SRPK2: variants seen among roughly 807,000 people sequenced by gnomAD.
SRPK2 encodes SFRS protein kinase 2.
In SRPK2, 21 loss-of-function variants were observed where a neutral mutation model predicts 90.8. The observed-to-expected ratio is 0.23, with a 90% CI of 0.16 to 0.33. The LOEUF is 0.33. Ranked by LOEUF, SRPK2 falls within the 10% of genes least tolerant of loss-of-function variation. SRPK2 has a pLI of 1.00. For missense variants in SRPK2, 620 were observed against 869.0 expected, an observed-to-expected ratio of 0.71 and a Z score of 3.60; for synonymous variants, 288 against 311.1, an observed-to-expected ratio of 0.93 and a Z score of 0.78.
chr7:105,262,220 C>G (rs753467348), intron 2 of SRPK2, among the ~76,000 whole-genome samples: 2 of 152,144 alleles, frequency 1.3e-5, no homozygotes, highest in Non-Finnish European at 2.9e-5. Context: ...TAATGGCCAA[C>G]AGAAAACCTG....
intron 2 of SRPK2, among the ~76,000 whole-genome samples, chr7:105,305,422 T>C (rs567092605): frequency 1.3e-5 from 2 of 151,536 alleles, no homozygotes; most frequent in African/African-American, 2.4e-5. Flanking sequence ...TCTCGCACAA[T>C]AGAGCGAGAC....
chr7:105,201,758 T>C (rs567477863), intron 3 of SRPK2, among the ~76,000 whole-genome samples: 3 of 151,460 alleles, frequency 2.0e-5, no homozygotes, highest in South Asian at 2.1e-4. Context: ...GATGGGAGGA[T>C]TGCTCAAGCC....
intron 2 of SRPK2, among the ~76,000 whole-genome samples, chr7:105,252,111 CTG>C (rs1207759881): frequency 1.3e-5 from 2 of 152,128 alleles, no homozygotes; most frequent in African/African-American, 4.8e-5. Context: ...TGGCAGATAA[CTG>C]AATATTTTTC....
chr7:105,154,860 A>G lies in SRPK2; in HGVS notation c.621+5647T>C, dbSNP rs182378958. Among the ~76,000 whole-genome samples, 979 of 151,862 alleles carry G rather than the reference A, an allele frequency of 6.4e-3. 4 individuals are homozygous for G. Among genetic ancestry groups the G allele is most frequent in the African/African-American group, 8.6e-3 (356 of 41,368 alleles). On this transcript the variant is annotated intron_variant, in intron 7 of 15. Coordinates refer to ENST00000393651, the MANE Select transcript of SRPK2 (RefSeq NM_182692.3). Reference sequence around the variant, plus strand: ...CAGCTAATTTTTGTATTTTTAGTAGAGATGGGGTTTCACCATATTGGTCAG... The same window carrying G: ...CAGCTAATTTTTGTATTTTTAGTAGGGATGGGGTTTCACCATATTGGTCAG...
chr7:105,203,754 GAACTAA>G lies in SRPK2; in HGVS notation c.97_102del (p.Leu33_Val34del), dbSNP rs1368560243. Reference sequence around the variant, plus strand: ...GGTGGTGGTGGCGGTGGAGGAGGAGGAACTAAAGGAGCTTTCTGTTGAGGCTCCGGC... The same window carrying G: ...GGTGGTGGTGGCGGTGGAGGAGGAGGAGGAGCTTTCTGTTGAGGCTCCGGC... On this transcript the variant is annotated inframe_deletion, in exon 3 of 16. Transcript: ENST00000393651. 6.2e-7 allele frequency: 1 copy of G among 1,602,046 alleles called. No individual in the cohort carries two copies. The highest frequency in any genetic ancestry group is 1.1e-5 in the South Asian group (1 of 89,300).
At chr7:105,372,944 C>T (rs1819864531) in intron 2 of SRPK2, among the ~76,000 whole-genome samples, 1 of 152,134 alleles carries the variant, frequency 6.6e-6, no homozygotes, top group Non-Finnish European at 1.5e-5. Context: ...CAAAAATTAG[C>T]TGGGCATGGT....
At chr7:105,358,495 G>A (rs1313598622) in intron 2 of SRPK2, among the ~76,000 whole-genome samples, 3 of 152,062 alleles carry the variant, frequency 2.0e-5, no homozygotes, top group African/African-American at 4.8e-5. Flanking sequence ...AAACCAGCCT[G>A]GACAACATGA....
At chr7:105,347,361 T>C (rs1163392337) in intron 2 of SRPK2, among the ~76,000 whole-genome samples, 3 of 151,928 alleles carry the variant, frequency 2.0e-5, no homozygotes, top group Non-Finnish European at 4.4e-5. Flanking sequence ...TGGCTAATTT[T>C]TTCTTTAATT....
chr7:105,186,597 G>A (rs774601235), intron 3 of SRPK2, among the ~76,000 whole-genome samples: 8 of 152,256 alleles, frequency 5.3e-5, no homozygotes, highest in Non-Finnish European at 7.4e-5. Flanking sequence ...AACAAAGGCC[G>A]AAACAGTATC....
At chr7:105,205,498 C>T (rs1352664749) in intron 2 of SRPK2, among the ~76,000 whole-genome samples, 1 of 125,312 alleles carries the variant, frequency 8.0e-6, no homozygotes, top group Non-Finnish European at 1.6e-5. Flanking sequence ...AATATTCATT[C>T]TCTCTCTCTC....
intron 2 of SRPK2, among the ~76,000 whole-genome samples, chr7:105,302,638 G>C (rs1810683819): frequency 2.0e-5 from 3 of 152,000 alleles, no homozygotes; most frequent in Admixed American, 1.3e-4. Flanking sequence ...TTTTTGAAAG[G>C]TGAACTGCTT....
intron 2 of SRPK2, among the ~76,000 whole-genome samples, chr7:105,258,352 G>C (rs1267128550): frequency 1.4e-5 from 2 of 147,616 alleles, no homozygotes; most frequent in Non-Finnish European, 3.0e-5. Context: ...GGGAGGCAGA[G>C]GTAATAGTGA....
At chr7:105,319,349 GT>G (rs1812646362) in intron 2 of SRPK2, among the ~76,000 whole-genome samples, 3 of 151,972 alleles carry the variant, frequency 2.0e-5, no homozygotes, top group African/African-American at 7.3e-5. Context: ...TCCATTTATG[GT>G]TTTGTGAATT....
At chr7:105,232,896 C>A (rs1799629541) in intron 2 of SRPK2, among the ~76,000 whole-genome samples, 1 of 151,798 alleles carries the variant, frequency 6.6e-6, no homozygotes, top group African/African-American at 2.4e-5. Context: ...GCCTGTAATC[C>A]CAGCTATTCA....
downstream of SRPK2, among the ~76,000 whole-genome samples, chr7:105,116,165 T>A (rs1799612059): frequency 6.6e-6 from 1 of 152,164 alleles, no homozygotes; most frequent in South Asian, 2.1e-4. Flanking sequence ...ATCATTGATA[T>A]TCTAGAGAAT....
At chr7:105,199,978 T>A (rs1471348809) in intron 3 of SRPK2, among the ~76,000 whole-genome samples, 1 of 150,984 alleles carries the variant, frequency 6.6e-6, no homozygotes, top group Non-Finnish European at 1.5e-5. Flanking sequence ...AAGATGAACC[T>A]GGCATATCCT....
intron 3 of SRPK2, among the ~76,000 whole-genome samples, chr7:105,177,363 A>T (rs1792107056): frequency 6.6e-6 from 1 of 152,202 alleles, no homozygotes. Context: ...TAGATTATTA[A>T]GATGTGTGAT....
intron 2 of SRPK2, among the ~76,000 whole-genome samples, chr7:105,343,856 G>A (rs1816124149): frequency 6.6e-6 from 1 of 152,056 alleles, no homozygotes; most frequent in Non-Finnish European, 1.5e-5. Flanking sequence ...TCTGCCTCCT[G>A]GGTTCAAGCG....
chr7:105,221,391 C>T (rs899546471), intron 2 of SRPK2, among the ~76,000 whole-genome samples: 2 of 152,180 alleles, frequency 1.3e-5, no homozygotes, highest in Non-Finnish European at 2.9e-5. Context: ...ACTTTTCTCA[C>T]CAATCTTATT....
Sources: allele counts gnomAD v4.1 joint callset (sites outside exome capture counted in the v4.1 genomes callset), GRCh38; gene constraint gnomAD v4.1.1; transcripts MANE v1.5; gene names NCBI Gene and HGNC (gene_info 2026-07-23, HGNC 2026-07-21).